KMT2A: variants seen among roughly 807,000 people sequenced by gnomAD.
KMT2A encodes histone-lysine N-methyltransferase 2A.
In KMT2A, 16 loss-of-function variants were observed where a neutral mutation model predicts 345.3. The observed-to-expected ratio is 0.05, with a 90% CI of 0.03 to 0.07. The LOEUF (loss-of-function observed/expected upper bound fraction) is 0.07, where lower values mean the gene tolerates loss of function less well. KMT2A is among the 10% of genes least tolerant of loss of function. KMT2A has a pLI of 1.00. For synonymous variants in KMT2A, 1,599 were observed against 1,778.6 expected (o/e 0.90, Z 2.54); for missense variants, 3,272 against 4,841.6 (o/e 0.68, Z 9.62).
At position 118,520,566 on chromosome 11, in the gene KMT2A, G is replaced by A. The variant is rs1950938752; in HGVS notation, c.11430-236G>A. On this transcript the variant is annotated intron_variant, in intron 33 of 35. Transcript: ENST00000534358. This position sits in a 1 kb window ranked among gnomAD's most constrained non-coding sequence, Gnocchi z 4.3. Reference sequence around the variant, plus strand: ...CTCAGCAGGCTGAGGCAAGAGAATCGCTTGAACCCAGGAGGCGGAGGTTAC... The same window carrying A: ...CTCAGCAGGCTGAGGCAAGAGAATCACTTGAACCCAGGAGGCGGAGGTTAC... The A allele has an allele frequency of 2.0e-6, 1 of 506,438 alleles. No homozygotes were observed. The highest frequency in any genetic ancestry group is 3.6e-6 in the Non-Finnish European group (1 of 279,724). 31.4% of individuals were successfully genotyped at this position (506,438 alleles called of 1,614,324 possible). A position where few individuals can be genotyped will look rare whatever the true frequency, so the allele number is the denominator to read the frequency against.
In KMT2A at chr11:118,506,242, C is replaced by G. The variant is rs781903452; in HGVS notation, c.10350C>G (p.Asp3450Glu). The change falls in exon 27 of 36, where the codon GAC (aspartate) becomes GAG (glutamate). Residue 3450 changes from aspartate to glutamate, a missense_variant. Asp to Glu is a conservative substitution (Grantham distance 45). Around this residue, in one of 27 missense-constraint regions of KMT2A, gnomAD observed 748 missense variants for 922.2 expected, o/e 0.81. Coordinates refer to ENST00000534358, the MANE Select transcript of KMT2A (RefSeq NM_001197104.2). ...ITAASPSGEA[D>E]EHYQLQHVNQ... ...CCGCTTCACCTTCTGGGGAAGCAGA[C>G]GAACACTATCAGCTTCAGCATGTGA... is the stretch of plus-strand genomic sequence containing the variant. 5 of 1,614,042 alleles carry G rather than the reference C, an allele frequency of 3.1e-6. No homozygotes were observed. The highest frequency in any genetic ancestry group is 1.7e-5 in the Admixed American group (1 of 60,002).
chr11:118,507,520 G>C lies in KMT2A; in HGVS notation c.10755-9G>C. On this transcript the variant is annotated splice_polypyrimidine_tract_variant and intron_variant, in intron 27 of 35. Transcript: ENST00000534358. Reference sequence around the variant, plus strand: ...TTGTCTTGAAAAGATACAAATGCCTGTGTTCCAGGACTCCAGGAGCAGAGG... The same window carrying C: ...TTGTCTTGAAAAGATACAAATGCCTCTGTTCCAGGACTCCAGGAGCAGAGG... 1 of 1,612,766 alleles carries C rather than the reference G, an allele frequency of 6.2e-7. No individual in the cohort carries two copies. Among genetic ancestry groups the C allele is most frequent in the Non-Finnish European group, 8.5e-7 (1 of 1,178,756 alleles).
At position 118,510,004 on chromosome 11, in the gene KMT2A, C is replaced by A; in HGVS notation, c.10957C>A (p.Leu3653Ile). ...TTTCAGCTCCCCACTGATGCTTTGG[C>A]TTCAGCAAGAACAAAAGCGGAAGGA... Reference protein sequence around the residue: ...SNFSSPLMLWLQQEQKRKESI... With the variant: ...SNFSSPLMLWIQQEQKRKESI... The change falls in exon 30 of 36, where the codon CTT (leucine) becomes ATT (isoleucine). Residue 3653 changes from leucine (L) to isoleucine (I), a missense_variant. This residue lies in a region of KMT2A where 748 missense variants were observed against 922.2 expected (regional missense o/e 0.81). Transcript: ENST00000534358. The surrounding 1 kb of genome is among the most constrained non-coding windows in gnomAD (Gnocchi z 4.1). 1 of 1,613,732 alleles carries A rather than the reference C, an allele frequency of 6.2e-7. No homozygotes were observed. The highest frequency in any genetic ancestry group is 8.5e-7 in the Non-Finnish European group (1 of 1,179,742).
At chr11:118,499,453 G>A in intron 23 of KMT2A, 33 bp downstream of exon 23, 3 of 1,326,792 alleles carry the variant, frequency 2.3e-6, no homozygotes, top group Non-Finnish European at 2.2e-6. Context: ...GGGGAAGGCT[G>A]TATATATCAT....
At chr11:118,481,643 G>A in intron 6 of KMT2A, 72 bp from the exon 7 acceptor site, 3 of 1,479,382 alleles carry the variant, frequency 2.0e-6, no homozygotes, top group Non-Finnish European at 2.7e-6. Flanking sequence ...ATCATATGGT[G>A]GCTCTGTAAT....
At position 118,511,939 on chromosome 11, in the gene KMT2A, A is replaced by G. The variant is rs1284330922; in HGVS notation, c.11072-12A>G. On this transcript the variant is annotated splice_polypyrimidine_tract_variant and intron_variant, in intron 30 of 35. Transcript: ENST00000534358. ...ATTTTCTGGCTTACGGGTTTTCTTT[A>G]TTTCCTTTCAGATGCCTGGAAGTCA... The G allele has an allele frequency of 6.2e-7, 1 of 1,613,250 alleles. No individual in the cohort carries two copies. Among genetic ancestry groups the G allele is most frequent in the Non-Finnish European group, 8.5e-7 (1 of 1,179,292 alleles).
chr11:118,450,477 A>G (rs917457275), intron 1 of KMT2A: 5 of 152,204 alleles, frequency 3.3e-5, no homozygotes, highest in Admixed American at 3.3e-4. Context: ...TTCTCTAGTT[A>G]CAAAGTGAGT....
chr11:118,498,528 A>G lies in KMT2A; in HGVS notation c.5961A>G (p.Glu1987=), dbSNP rs2134368437. ...GACATCGGGATTTGATCAAAGGCGA[A>G]GTGAGAGAGCTTTAGTTGCTTTAAA... ...CQRHRDLIKG[E]VVPENGFEVF... is the part of the protein sequence containing the mutation. Residue 1987 remains glutamate (E), a splice_region_variant and synonymous_variant, in exon 22 of 36, where the codon GAA becomes GAG. Transcript: ENST00000534358. The surrounding 1 kb of genome is among the most constrained non-coding windows in gnomAD (Gnocchi z 4.4). 2.5e-6 allele frequency: 4 copies of G among 1,600,316 alleles called. No homozygotes were observed. Among genetic ancestry groups the G allele is most frequent in the Middle Eastern group, 1.7e-4 (1 of 6,020 alleles).
intron 1 of KMT2A, among the ~76,000 whole-genome samples, chr11:118,454,281 G>A (rs1273135209): frequency 1.3e-5 from 2 of 152,140 alleles, no homozygotes; most frequent in Non-Finnish European, 2.9e-5. Context: ...ACGTAAGCTG[G>A]CCTCTGGTCA....
In KMT2A at chr11:118,503,618, C is replaced by G. The variant is rs1555046776; in HGVS notation, c.7726C>G (p.Pro2576Ala). The change falls in exon 27 of 36, where the codon CCA becomes GCA. Residue 2576 changes from proline (P) to alanine (A), a missense_variant. This residue lies in a region of KMT2A where 445 missense variants were observed against 500.9 expected (regional missense o/e 0.89). Coordinates refer to ENST00000534358, the MANE Select transcript of KMT2A (RefSeq NM_001197104.2). This position sits in a 1 kb window ranked among gnomAD's most constrained non-coding sequence, Gnocchi z 5.3. ...ENPGDGPVAQ[P>A]SPNNTSCQDS... ...TCCAGGAGATGGTCCAGTGGCCCAA[C>G]CAAGCCCCAATAATACCTCATGCCA... is the stretch of plus-strand genomic sequence containing the variant. 6.2e-7 allele frequency: 1 copy of G among 1,614,184 alleles called. No individual in the cohort carries two copies.
chr11:118,462,268 T>A (rs1377269201), intron 1 of KMT2A, among the ~76,000 whole-genome samples: 1 of 152,172 alleles, frequency 6.6e-6, no homozygotes, highest in Non-Finnish European at 1.5e-5. Context: ...CACCCTCTTG[T>A]AGCCTTCTTT....
At position 118,520,650 on chromosome 11, in the gene KMT2A, C is replaced by CAA; in HGVS notation, c.11430-143_11430-142dup. On this transcript the variant is annotated intron_variant, in intron 33 of 35. Coordinates refer to ENST00000534358, the MANE Select transcript of KMT2A (RefSeq NM_001197104.2). The surrounding 1 kb of genome is among the most constrained non-coding windows in gnomAD (Gnocchi z 4.3). ...TGGGCGACAGAGCGAAACTCCATCTCAAAAAAAAAAGGGGGGCGCTCATTT... is the reference window on the plus strand; with the variant it reads ...TGGGCGACAGAGCGAAACTCCATCTCAAAAAAAAAAAAGGGGGGCGCTCATTT... 2.3e-5 allele frequency: 12 copies of CAA among 521,306 alleles called. No individual in the cohort carries two copies. The highest frequency in any genetic ancestry group is 1.0e-4 in the East Asian group (3 of 29,024). 32.3% of individuals were successfully genotyped at this position (521,306 alleles called of 1,614,324 possible). A position where few individuals can be genotyped will look rare whatever the true frequency, so the allele number is the denominator to read the frequency against.
intron 1 of KMT2A, among the ~76,000 whole-genome samples, chr11:118,453,627 T>C (rs1190676568): frequency 6.6e-6 from 1 of 152,224 alleles, no homozygotes; most frequent in African/African-American, 2.4e-5. Flanking sequence ...CACTGACTAC[T>C]TCTCAGAGTT....
At chr11:118,446,017 G>GA (rs567864448) in intron 1 of KMT2A, among the ~76,000 whole-genome samples, 62 of 151,906 alleles carry the variant, frequency 4.1e-4, no homozygotes, top group African/African-American at 1.4e-3. Flanking sequence ...AAAAAAGAAA[G>GA]AAAAAAAGAA....
In KMT2A at chr11:118,485,089, C is replaced by T. The variant is rs11216876; in HGVS notation, c.4332+114C>T. 1.9e-4 allele frequency: 132 copies of T among 700,698 alleles called. 1 individual carries two copies. In the East Asian group the frequency reaches 3.1e-3, roughly 17 times the overall value. The allele number at this position is 700,698 out of a possible 1,614,324, so 43.4% of individuals were successfully genotyped here. ...AGCAGGTACTATTCCCTGTTTAAAC[C>T]AGCTAAAGAAATGTTTTGAAGTATT... On this transcript the variant is annotated intron_variant, in intron 10 of 35. Coordinates refer to ENST00000534358, the MANE Select transcript of KMT2A (RefSeq NM_001197104.2).
chr11:118,506,722 TC>T, intron 27 of KMT2A, 76 bp downstream of exon 27: 1 of 1,414,230 alleles, frequency 7.1e-7, no homozygotes, highest in South Asian at 1.4e-5. Flanking sequence ...GATGTGGTAG[TC>T]CGGGAGAGAC....
chr11:118,484,808 A>T lies in KMT2A; in HGVS notation c.4219-54A>T. On this transcript the variant is annotated intron_variant, in intron 9 of 35. Transcript: ENST00000534358. This position sits in a 1 kb window ranked among gnomAD's most constrained non-coding sequence, Gnocchi z 4.1. ...TTTATGCTTTTCATCCTTATTTTCC[A>T]TCCAAAGTTGTGTAATTGTAAAACT... The T allele has an allele frequency of 2.6e-6, 3 of 1,172,664 alleles. No individual in the cohort carries two copies. Among genetic ancestry groups the T allele is most frequent in the African/African-American group, 1.5e-5 (1 of 66,466 alleles). 72.6% of individuals were successfully genotyped at this position (1,172,664 alleles called of 1,614,324 possible). A position where few individuals can be genotyped will look rare whatever the true frequency, so the allele number is the denominator to read the frequency against.
At position 118,512,022 on chromosome 11, in the gene KMT2A, G is replaced by T. The variant is rs782662091; in HGVS notation, c.11143G>T (p.Ala3715Ser). Residue 3715 changes from alanine to serine, a missense_variant, in exon 31 of 36, where the codon GCA (alanine) becomes TCA (serine). By Grantham distance (99) the Ala-to-Ser change is moderately conservative. Transcript: ENST00000534358. ...SNARLKQLSF[A>S]GVNGLRMLGI... ...TGCCCGCCTAAAGCAGCTCTCATTTGCAGGTAATGGCTGGAGGTGTTATTC... is the reference window on the plus strand; with the variant it reads ...TGCCCGCCTAAAGCAGCTCTCATTTTCAGGTAATGGCTGGAGGTGTTATTC... 6.8e-6 allele frequency: 11 copies of T among 1,613,522 alleles called. No homozygotes were observed. Among genetic ancestry groups the T allele is most frequent in the Non-Finnish European group, 9.3e-6 (11 of 1,179,482 alleles).
At position 118,484,160 on chromosome 11, in the gene KMT2A, A is replaced by G. The variant is rs781857853; in HGVS notation, c.4087-23A>G. ...GGCAAATAGGGTGTGATTTTGTTCT[A>G]TATTCATCTTTTGTCTCCTTAGGAA... On this transcript the variant is annotated intron_variant, in intron 8 of 35. Coordinates refer to ENST00000534358, the MANE Select transcript of KMT2A (RefSeq NM_001197104.2). This position sits in a 1 kb window ranked among gnomAD's most constrained non-coding sequence, Gnocchi z 4.1. The G allele has an allele frequency of 2.2e-5, 36 of 1,612,886 alleles. No homozygotes were observed. In the Admixed American group the frequency reaches 5.5e-4, roughly 25 times the overall value.
Sources: gnomAD v4.1 joint callset for allele counts (sites outside exome capture counted in the v4.1 genomes callset) on GRCh38, gnomAD v4.1.1 for gene constraint, gnomAD v4.1.1 regional missense constraint, Gnocchi (gnomAD v3.1) non-coding constraint, MANE v1.5 for transcripts, NCBI Gene and HGNC (gene_info 2026-07-23, HGNC 2026-07-21) for gene names.